Variants in PCDH7 observed in about 807,000 individuals in gnomAD.
PCDH7 encodes protocadherin 7, also known as protocadherin-7.
In PCDH7, 17 loss-of-function variants were observed where a neutral mutation model predicts 58.9. That is an observed-to-expected ratio of 0.29 (90% confidence interval 0.20 to 0.43). The LOEUF is 0.43. Ranked by LOEUF, PCDH7 falls within the 20% of genes least tolerant of loss-of-function variation. PCDH7 has a pLI of 1.00. For missense variants in PCDH7, 1,274 were observed against 1,441.0 expected (o/e 0.88, Z 1.88); for synonymous variants, 664 against 616.4 (o/e 1.08, Z -1.14).
intron 1 of PCDH7, chr4:30,725,361 T>C (rs1244210914): frequency 2.4e-6 from 2 of 834,704 alleles, no homozygotes; most frequent in Non-Finnish European, 2.9e-6. Context: ...ATGAAAATAT[T>C]CATGATTGAT....
intron 1 of PCDH7, among the ~76,000 whole-genome samples, chr4:30,791,069 A>G (rs887626787): frequency 2.6e-5 from 4 of 152,180 alleles, no homozygotes; most frequent in African/African-American, 9.7e-5. Context: ...TTGTGTCAAA[A>G]AACATTTTGA....
chr4:30,730,748 T>G, intron 1 of PCDH7: 1 of 1,590,746 alleles, frequency 6.3e-7, no homozygotes, highest in Non-Finnish European at 8.6e-7. Context: ...TTTTCCTTCT[T>G]TCAGATGCGT....
intron 2 of PCDH7, among the ~76,000 whole-genome samples, chr4:30,935,928 T>C (rs1437073134): frequency 1.3e-5 from 2 of 152,062 alleles, no homozygotes; most frequent in African/African-American, 4.8e-5. Context: ...AAAGGCTTCA[T>C]GAAGTAATCT....
At chr4:30,850,116 CTT>C (rs1353437397) in intron 1 of PCDH7, among the ~76,000 whole-genome samples, 2 of 152,010 alleles carry the variant, frequency 1.3e-5, no homozygotes, top group Non-Finnish European at 2.9e-5. Context: ...GCTACTGTCT[CTT>C]ATATATTCGT....
intron 1 of PCDH7, among the ~76,000 whole-genome samples, chr4:30,839,969 G>C (rs1285512422): frequency 6.6e-6 from 1 of 151,968 alleles, no homozygotes; most frequent in Non-Finnish European, 1.5e-5. Flanking sequence ...TTTTGCTGTT[G>C]AGAAAGAGGC....
intron 1 of PCDH7, among the ~76,000 whole-genome samples, chr4:30,786,423 G>GA (rs1362694691): frequency 6.6e-6 from 1 of 152,006 alleles, no homozygotes; most frequent in African/African-American, 2.4e-5. Context: ...TCATAGCCTT[G>GA]AAAAGCTTAA....
At chr4:31,004,149 TA>T (rs1281085718) in intron 3 of PCDH7, among the ~76,000 whole-genome samples, 1 of 152,104 alleles carries the variant, frequency 6.6e-6, no homozygotes, top group East Asian at 1.9e-4. Flanking sequence ...GTCCCATTGA[TA>T]AAAAACTGTT....
intron 3 of PCDH7, among the ~76,000 whole-genome samples, chr4:31,023,950 G>T (rs1057274087): frequency 1.3e-5 from 2 of 152,202 alleles, no homozygotes; most frequent in African/African-American, 4.8e-5. Flanking sequence ...GTCAGGGAAT[G>T]TAATGAGACA....
At chr4:30,929,203 G>T (rs887905865) in intron 2 of PCDH7, among the ~76,000 whole-genome samples, 4 of 152,118 alleles carry the variant, frequency 2.6e-5, no homozygotes, top group Non-Finnish European at 5.9e-5. Context: ...GAGTAGAGTA[G>T]ATTGGATTAC....
At chr4:31,074,089 C>T (rs553543470) in intron 3 of PCDH7, among the ~76,000 whole-genome samples, 38 of 152,086 alleles carry the variant, frequency 2.5e-4, no homozygotes, top group East Asian at 3.9e-4. Context: ...TTCAGATCCT[C>T]GCCCAGTGTC....
chr4:31,066,847 T>C (rs1283486735), intron 3 of PCDH7, among the ~76,000 whole-genome samples: 1 of 151,936 alleles, frequency 6.6e-6, no homozygotes, highest in East Asian at 1.9e-4. Context: ...AAGGGGTGCA[T>C]GAACATTTTT....
intron 3 of PCDH7, among the ~76,000 whole-genome samples, chr4:31,130,038 C>G (rs1490584581): frequency 6.6e-6 from 1 of 152,032 alleles, no homozygotes; most frequent in Non-Finnish European, 1.5e-5. Context: ...CATCAGAAAT[C>G]ACAAAAATGC....
chr4:30,889,915 T>C (rs1403665685), intron 1 of PCDH7, among the ~76,000 whole-genome samples: 1 of 152,140 alleles, frequency 6.6e-6, no homozygotes, highest in Admixed American at 6.5e-5. Flanking sequence ...CAGAAATTGA[T>C]CCTAATATGC....
chr4:30,741,818 G>A (rs1430488802), intron 1 of PCDH7, among the ~76,000 whole-genome samples: 2 of 152,214 alleles, frequency 1.3e-5, no homozygotes, highest in East Asian at 1.9e-4. Context: ...TTCAAATTTA[G>A]TGTCTGAAAG....
At chr4:30,909,042 A>G (rs1357985648) in intron 1 of PCDH7, among the ~76,000 whole-genome samples, 1 of 152,172 alleles carries the variant, frequency 6.6e-6, no homozygotes, top group Non-Finnish European at 1.5e-5. Context: ...AAATCAATAA[A>G]CATAGTCCAT....
At chr4:30,763,753 A>G (rs1352667939) in intron 1 of PCDH7, among the ~76,000 whole-genome samples, 2 of 152,226 alleles carry the variant, frequency 1.3e-5, no homozygotes, top group Admixed American at 1.3e-4. Context: ...AAGGAAGATT[A>G]CACTGTTCAC....
At chr4:30,815,213 A>T (rs1414313259) in intron 1 of PCDH7, among the ~76,000 whole-genome samples, 1 of 151,892 alleles carries the variant, frequency 6.6e-6, no homozygotes, top group Non-Finnish European at 1.5e-5. Context: ...TACACCCAGT[A>T]CTGTTGCTAG....
chr4:31,140,017 C>T (rs930931887), intron 3 of PCDH7, among the ~76,000 whole-genome samples: 11 of 152,194 alleles, frequency 7.2e-5, no homozygotes, highest in African/African-American at 2.4e-4. Flanking sequence ...TCAATTTTGG[C>T]AGAAAATACT....
At chr4:30,727,914 T>C (rs1438470465) in intron 1 of PCDH7, among the ~76,000 whole-genome samples, 3 of 151,920 alleles carry the variant, frequency 2.0e-5, no homozygotes, top group Non-Finnish European at 4.4e-5. Flanking sequence ...TAGGCTGTTA[T>C]TTAGATAATG....
Sources: allele counts gnomAD v4.1 joint callset (sites outside exome capture counted in the v4.1 genomes callset), GRCh38; gene constraint gnomAD v4.1.1; transcripts MANE v1.5; gene names NCBI Gene and HGNC (gene_info 2026-07-23, HGNC 2026-07-21).